The following GATAD2B variants were observed in gnomAD, a reference collection of about 807,000 sequenced individuals.
GATAD2B encodes transcriptional repressor p66-beta.
In GATAD2B, 8 loss-of-function variants were observed where a neutral mutation model predicts 64.3. The observed-to-expected ratio is 0.12, with a 90% CI of 0.07 to 0.22. GATAD2B has a LOEUF of 0.22. Among genes scored for constraint, GATAD2B ranks in the 10% least tolerant of loss-of-function variants. The pLI, the probability that GATAD2B is intolerant of heterozygous loss-of-function variation, is 1.00. For missense variants in GATAD2B, 453 were observed against 752.0 expected, an observed-to-expected ratio of 0.60 and a Z score of 4.65; for synonymous variants, 281 against 271.3, an observed-to-expected ratio of 1.04 and a Z score of -0.35.
chr1:153,881,463 G>A (rs1677008129), intron 1 of GATAD2B, among the ~76,000 whole-genome samples: 1 of 152,178 alleles, frequency 6.6e-6, no homozygotes, highest in Non-Finnish European at 1.5e-5. Context: ...CAAACCGAAA[G>A]GAGCTTTGTA....
rs1307908143 is a variant in GATAD2B at position 153,818,827 on chromosome 1, T to C, written c.561A>G (p.Arg187=). Residue 187 remains arginine, a synonymous_variant, in exon 4 of 11, where the codon AGA becomes AGG. Coordinates refer to ENST00000368655, the MANE Select transcript of GATAD2B (RefSeq NM_020699.4). ...CATTCTCTTTCTGTAGCTGACTCTGTCTCAGTTTCTTTAACAGGACCAGTC... is the reference window on the plus strand; with the variant it reads ...CATTCTCTTTCTGTAGCTGACTCTGCCTCAGTTTCTTTAACAGGACCAGTC... ...EARLVLLKKL[R]QSQLQKENVV... The C allele has an allele frequency of 1.4e-5, 23 of 1,613,612 alleles. No individual in the cohort carries two copies. The highest frequency in any genetic ancestry group is 1.9e-5 in the Non-Finnish European group (23 of 1,179,968).
chr1:153,825,434 T>A (rs1384482039), intron 2 of GATAD2B, among the ~76,000 whole-genome samples: 2 of 152,144 alleles, frequency 1.3e-5, no homozygotes, highest in African/African-American at 2.4e-5. Flanking sequence ...TGCTTTTTTT[T>A]AAAATGGAGA....
At chr1:153,880,904 A>G (rs1676989213) in intron 1 of GATAD2B, among the ~76,000 whole-genome samples, 1 of 152,174 alleles carries the variant, frequency 6.6e-6, no homozygotes, top group Admixed American at 6.6e-5. Context: ...AACATGGTCA[A>G]TAACACTTGC....
chr1:153,868,008 G>A (rs1676537111), intron 1 of GATAD2B, among the ~76,000 whole-genome samples: 1 of 152,056 alleles, frequency 6.6e-6, no homozygotes, highest in African/African-American at 2.4e-5. Flanking sequence ...AGACCAGCCT[G>A]GCCAATATGG....
At chr1:153,865,335 C>A (rs1251947683) in intron 1 of GATAD2B, among the ~76,000 whole-genome samples, 1 of 151,972 alleles carries the variant, frequency 6.6e-6, no homozygotes, top group East Asian at 1.9e-4. Context: ...GTAGCACGTG[C>A]CTGTAGTCCC....
At chr1:153,862,620 T>G (rs1676346583) in intron 1 of GATAD2B, among the ~76,000 whole-genome samples, 1 of 152,122 alleles carries the variant, frequency 6.6e-6, no homozygotes, top group South Asian at 2.1e-4. Context: ...TGTGGGCCAC[T>G]GACCACTGCA....
At chr1:153,917,551 C>T (rs1028273986) in intron 1 of GATAD2B, among the ~76,000 whole-genome samples, 2 of 151,830 alleles carry the variant, frequency 1.3e-5, no homozygotes, top group African/African-American at 2.4e-5. Flanking sequence ...CCCACTGCCA[C>T]GCCCAGCTAA....
At chr1:153,909,183 C>G (rs1413550883) in intron 1 of GATAD2B, among the ~76,000 whole-genome samples, 3 of 152,014 alleles carry the variant, frequency 2.0e-5, no homozygotes, top group Non-Finnish European at 4.4e-5. Flanking sequence ...CCAGCCTGGG[C>G]AAGAGAGCAA....
intron 1 of GATAD2B, among the ~76,000 whole-genome samples, chr1:153,906,416 C>CT (rs1489616953): frequency 6.6e-6 from 1 of 152,036 alleles, no homozygotes; most frequent in Non-Finnish European, 1.5e-5. Flanking sequence ...CAGACTCTGT[C>CT]TTAACAACAA....
At chr1:153,912,479 T>C (rs1678135115) in intron 1 of GATAD2B, among the ~76,000 whole-genome samples, 4 of 152,198 alleles carry the variant, frequency 2.6e-5, no homozygotes, top group African/African-American at 7.2e-5. Context: ...GGCCAAACTG[T>C]AGTGCACAGA....
intron 1 of GATAD2B, chr1:153,921,950 C>CTT (rs1021146925): frequency 6.6e-6 from 1 of 152,160 alleles, no homozygotes; most frequent in African/African-American, 2.4e-5. Flanking sequence ...CAAAAGTACT[C>CTT]TAAGTCCCGG....
intron 1 of GATAD2B, among the ~76,000 whole-genome samples, chr1:153,880,121 C>T (rs1391943455): frequency 1.3e-5 from 2 of 152,040 alleles, no homozygotes; most frequent in African/African-American, 4.8e-5. Context: ...TCCTTAAGAA[C>T]AACCCCTCTC....
intron 1 of GATAD2B, among the ~76,000 whole-genome samples, chr1:153,829,071 G>A (rs966391127): frequency 6.6e-6 from 1 of 151,752 alleles, no homozygotes; most frequent in African/African-American, 2.4e-5. Flanking sequence ...CAGGCATGGT[G>A]GCACATGCCT....
At chr1:153,909,706 C>CG (rs917947364) in intron 1 of GATAD2B, among the ~76,000 whole-genome samples, 196 of 144,472 alleles carry the variant, frequency 1.4e-3, no homozygotes, top group South Asian at 4.2e-3. Flanking sequence ...ACTGAGGGGG[C>CG]GGGGGGGCAG....
chr1:153,914,367 C>A (rs551957290), intron 1 of GATAD2B, among the ~76,000 whole-genome samples: 1 of 151,408 alleles, frequency 6.6e-6, no homozygotes, highest in Non-Finnish European at 1.5e-5. Flanking sequence ...GACAAAGAAA[C>A]CTAGCGAAAT....
Position 153,883,692 on chromosome 1 carries a change from C to CTGCA in GATAD2B, c.-2+39037_-2+39040dup, listed in dbSNP as rs1231664714. On this transcript the variant is annotated intron_variant, in intron 1 of 10. Coordinates refer to ENST00000368655, the MANE Select transcript of GATAD2B (RefSeq NM_020699.4). ...ACGTGAGTCTGCTGAATACATCTGA[C>CTGCA]TGCACTGGTCTTTTTTTTTTTTCTT... Among the ~76,000 whole-genome samples, 3 of 151,774 alleles carry CTGCA rather than the reference C, an allele frequency of 2.0e-5. No individual in the cohort carries two copies. In the East Asian group the frequency reaches 5.8e-4, roughly 29 times the overall value.
chr1:153,846,702 A>G (rs1298357407), intron 1 of GATAD2B, among the ~76,000 whole-genome samples: 1 of 151,344 alleles, frequency 6.6e-6, no homozygotes, highest in Non-Finnish European at 1.5e-5. Context: ...CTGGGATTAC[A>G]GGCATCCGCC....
intron 4 of GATAD2B, 24 bp from the exon 5 acceptor site, chr1:153,818,195 G>A: frequency 6.4e-7 from 1 of 1,568,864 alleles, no homozygotes; most frequent in African/African-American, 1.4e-5. Flanking sequence ...GAGAAAATAA[G>A]ACTGTGGCCA....
At chr1:153,871,366 C>G (rs1183992566) in intron 1 of GATAD2B, among the ~76,000 whole-genome samples, 1 of 151,014 alleles carries the variant, frequency 6.6e-6, no homozygotes, top group African/African-American at 2.4e-5. Flanking sequence ...CACCCGGCCA[C>G]TTGTTTTTTT....
Sources: gnomAD v4.1 joint callset for allele counts (sites outside exome capture counted in the v4.1 genomes callset) on GRCh38, gnomAD v4.1.1 for gene constraint, MANE v1.5 for transcripts, NCBI Gene and HGNC (gene_info 2026-07-23, HGNC 2026-07-21) for gene names.